Variants in TANGO6 observed in about 807,000 individuals in gnomAD.
TANGO6 encodes transport and Golgi organization protein 6 homolog.
Under a neutral mutation model 114.2 loss-of-function variants are expected in TANGO6, and 90 were observed. The observed-to-expected ratio is 0.79, with a 90% CI of 0.66 to 0.94. TANGO6 has a LOEUF of 0.94. TANGO6 is among the 40% of genes least tolerant of loss of function. The pLI is 0.00. For synonymous variants in TANGO6, 477 were observed against 509.8 expected (o/e 0.94, Z 0.87); for missense variants, 1,274 against 1,315.3 (o/e 0.97, Z 0.49).
intron 2 of TANGO6, 126 bp downstream of exon 2, chr16:68,860,650 C>A: frequency 1.6e-6 from 2 of 1,236,378 alleles, no homozygotes; most frequent in Non-Finnish European, 2.2e-6. Flanking sequence ...AAAGCATATC[C>A]AATGGATAAA....
chr16:68,961,513 AG>A (rs1963590717), intron 14 of TANGO6, among the ~76,000 whole-genome samples: 1 of 152,220 alleles, frequency 6.6e-6, no homozygotes, highest in Non-Finnish European at 1.5e-5. Flanking sequence ...CGACTGTACA[AG>A]GCATATTGAA....
At position 68,862,935 on chromosome 16, in the gene TANGO6, T is replaced by A. The variant is rs187372668; in HGVS notation, c.736-10T>A. On this transcript the variant is annotated splice_polypyrimidine_tract_variant and intron_variant, in intron 2 of 17. Coordinates refer to ENST00000261778, the MANE Select transcript of TANGO6 (RefSeq NM_024562.2). ...GAATTCCACTAAAGCCAAGTGCATA[T>A]TTCTTTTAGGTTCTAACTGAAGAGG... 1.9e-4 allele frequency: 301 copies of A among 1,564,806 alleles called. No individual in the cohort carries two copies. In the African/African-American group the frequency reaches 3.1e-3, roughly 16 times the overall value.
chr16:68,851,087 A>C (rs1210512365), intron 1 of TANGO6, among the ~76,000 whole-genome samples: 1 of 151,902 alleles, frequency 6.6e-6, no homozygotes, highest in South Asian at 2.1e-4. Context: ...ATAATCTGTG[A>C]TTTCCTATTC....
intron 17 of TANGO6, among the ~76,000 whole-genome samples, chr16:69,063,451 G>A (rs756093115): frequency 7.8e-4 from 119 of 151,746 alleles, no homozygotes; most frequent in Non-Finnish European, 1.0e-3. Context: ...CGTGAACCCC[G>A]GGGGCGGAGA....
chr16:68,954,985 T>A (rs148589465), intron 14 of TANGO6, among the ~76,000 whole-genome samples: 1 of 152,234 alleles, frequency 6.6e-6, no homozygotes, highest in Non-Finnish European at 1.5e-5. Context: ...ATTACATGGC[T>A]GTTTAGGGAA....
At position 68,919,196 on chromosome 16, in the gene TANGO6, G is replaced by A; in HGVS notation, c.2104G>A (p.Val702Ile). 2 of 1,612,828 alleles carry A rather than the reference G, an allele frequency of 1.2e-6. No homozygotes were observed. Among genetic ancestry groups the A allele is most frequent in the Non-Finnish European group, 1.7e-6 (2 of 1,179,538 alleles). ...TLSMSMGLVA[V>I]MLGGAVQLKS... ...GAGCATGTCCATGGGGCTGGTGGCT[G>A]TCATGCTAGGAGGAGCTGTTCAGGT... Residue 702 changes from valine to isoleucine, a missense_variant, in exon 12 of 18, where the codon GTC becomes ATC. Physicochemically the swap from Val to Ile is conservative, Grantham distance 29. Transcript: ENST00000261778.
At chr16:68,993,102 C>A (rs1041922109) in intron 15 of TANGO6, among the ~76,000 whole-genome samples, 1 of 151,890 alleles carries the variant, frequency 6.6e-6, no homozygotes, top group South Asian at 2.1e-4. Context: ...AAAATCTTAT[C>A]TTTTATAATT....
At chr16:69,073,604 C>T (rs113980126) in intron 17 of TANGO6, among the ~76,000 whole-genome samples, 377 of 152,304 alleles carry the variant, frequency 2.5e-3, no homozygotes, top group African/African-American at 7.6e-3. Context: ...GGAATTAGCT[C>T]ATTTTCATGC....
chr16:68,997,407 G>A (rs1385278538), intron 15 of TANGO6, among the ~76,000 whole-genome samples: 1 of 152,180 alleles, frequency 6.6e-6, no homozygotes, highest in African/African-American at 2.4e-5. Flanking sequence ...AAAGGATTGG[G>A]GAGTTCTGGA....
intron 9 of TANGO6, among the ~76,000 whole-genome samples, chr16:68,903,609 C>A (rs1443206375): frequency 3.3e-4 from 41 of 123,678 alleles, no homozygotes; most frequent in African/African-American, 1.2e-3. Context: ...CAGGGCGAGA[C>A]CATCTCAAAA....
intron 7 of TANGO6, among the ~76,000 whole-genome samples, chr16:68,885,927 T>C (rs137999544): frequency 4.6e-4 from 70 of 152,300 alleles, no homozygotes; most frequent in Middle Eastern, 6.8e-3. Flanking sequence ...AATGCTGGAT[T>C]ATATTGTAAC....
intron 7 of TANGO6, chr16:68,900,194 G>C (rs1962763308): frequency 2.2e-6 from 1 of 446,620 alleles, no homozygotes; most frequent in African/African-American, 2.0e-5. Context: ...CCTATTCTGG[G>C]CAGTTCTAGG....
intron 17 of TANGO6, among the ~76,000 whole-genome samples, chr16:69,072,756 C>T (rs189340164): frequency 6.6e-6 from 1 of 152,242 alleles, no homozygotes; most frequent in East Asian, 1.9e-4. Context: ...CTCAGCACCC[C>T]TCAAGTGTGG....
chr16:69,004,546 AGGTTTCAG>A (rs572172073), intron 15 of TANGO6, among the ~76,000 whole-genome samples: 221 of 151,908 alleles, frequency 1.5e-3, no homozygotes, highest in African/African-American at 4.7e-3. Context: ...AGTAGAGATG[AGGTTTCAG>A]CATGTTGGTC....
chr16:68,929,078 C>G (rs1963207443), intron 13 of TANGO6, among the ~76,000 whole-genome samples: 1 of 152,114 alleles, frequency 6.6e-6, no homozygotes, highest in Non-Finnish European at 1.5e-5. Context: ...ACCAACACAC[C>G]CAGCTAATTT....
Position 69,084,267 on chromosome 16 carries a change from A to C in TANGO6, c.*606A>C, listed in dbSNP as rs1383509761. On this transcript the variant is annotated 3_prime_UTR_variant, in exon 18 of 18. Coordinates refer to ENST00000261778, the MANE Select transcript of TANGO6 (RefSeq NM_024562.2). Reference sequence around the variant, plus strand: ...GTCGAGATGGAAAACTGTGGAGTTGAAGAGGCTCTGATGCCCAGAAAGGAC... The same window carrying C: ...GTCGAGATGGAAAACTGTGGAGTTGCAGAGGCTCTGATGCCCAGAAAGGAC... The C allele has an allele frequency of 1.8e-4, 27 of 152,440 alleles. No homozygotes were observed. The highest frequency in any genetic ancestry group is 1.7e-3 in the Admixed American group (26 of 15,290). The allele number at this position is 152,440 out of a possible 1,614,324, so 9.4% of individuals were successfully genotyped here. A position where few individuals can be genotyped will look rare whatever the true frequency, so the allele number is the denominator to read the frequency against.
intron 14 of TANGO6, among the ~76,000 whole-genome samples, chr16:68,941,241 A>G (rs897742383): frequency 6.6e-6 from 1 of 152,354 alleles, no homozygotes; most frequent in African/African-American, 2.4e-5. Context: ...CACTCTGTCA[A>G]CTTGTTGGAA....
At chr16:69,049,126 T>A (rs952054542) in intron 17 of TANGO6, among the ~76,000 whole-genome samples, 5 of 152,204 alleles carry the variant, frequency 3.3e-5, no homozygotes, top group Admixed American at 3.3e-4. Context: ...TCAAAGTATA[T>A]AATTCTGCAA....
Position 69,002,794 on chromosome 16 carries a change from C to A in TANGO6, c.2843-20034C>A, listed in dbSNP as rs555448358. 2.0e-5 allele frequency among the ~76,000 whole-genome samples: 3 copies of A among 152,260 alleles called. No homozygotes were observed. In the East Asian group the frequency reaches 5.8e-4, roughly 29 times the overall value. On this transcript the variant is annotated intron_variant, in intron 15 of 17. Transcript: ENST00000261778. Reference sequence around the variant, plus strand: ...CGGTGGCTCACACCTGTAATCCCAGCACTTTGGGAGGCTGAGGCGGGCAGA... The same window carrying A: ...CGGTGGCTCACACCTGTAATCCCAGAACTTTGGGAGGCTGAGGCGGGCAGA...
Sources: allele counts gnomAD v4.1 joint callset (sites outside exome capture counted in the v4.1 genomes callset), GRCh38; gene constraint gnomAD v4.1.1; transcripts MANE v1.5; gene names NCBI Gene and HGNC (gene_info 2026-07-23, HGNC 2026-07-21).